The following ANGPTL2 variants were observed in gnomAD, a reference collection of about 807,000 sequenced individuals.
ANGPTL2 encodes angiopoietin-related protein 2.
A neutral mutation model predicts 52.8 loss-of-function variants in ANGPTL2; 25 were observed. The observed-to-expected ratio is 0.47, with a 90% confidence interval of 0.35 to 0.66. ANGPTL2 has a LOEUF of 0.66. ANGPTL2 is among the 30% of genes least tolerant of loss of function. ANGPTL2 has a pLI of 0.01. For missense variants in ANGPTL2, 546 were observed against 656.9 expected (o/e 0.83, Z 1.84); for synonymous variants, 276 against 277.4 (o/e 1.00, Z 0.05).
At position 127,108,241 on chromosome 9, in the gene ANGPTL2, T is replaced by C; in HGVS notation, c.491A>G (p.Asn164Ser). The C allele has an allele frequency of 6.2e-7, 1 of 1,614,034 alleles. No homozygotes were observed. The highest frequency in any genetic ancestry group is 1.3e-5 in the African/African-American group (1 of 74,978). The change falls in exon 2 of 5, where the codon AAC (asparagine) becomes AGC (serine). Residue 164 changes from asparagine (N) to serine (S), a missense_variant. Transcript: ENST00000373425. Reference protein sequence around the residue: ...ELSQLENRILNQTADMLQLAS... With the variant: ...ELSQLENRILSQTADMLQLAS... ...CAGCTGCAGCATGTCGGCTGTCTGG[T>C]TCAGGATCCTGTTCTCCAGCTGGGA...
chr9:127,112,032 GC>G (rs1193431820), intron 1 of ANGPTL2, among the ~76,000 whole-genome samples: 1 of 152,206 alleles, frequency 6.6e-6, no homozygotes, highest in East Asian at 1.9e-4. Flanking sequence ...CTGGGTCTGG[GC>G]TCCACCTTGG....
At chr9:127,098,852 T>C (rs1484832080) in intron 2 of ANGPTL2, among the ~76,000 whole-genome samples, 1 of 152,170 alleles carries the variant, frequency 6.6e-6, no homozygotes, top group East Asian at 1.9e-4. Context: ...TTTCCAGTTC[T>C]CTCTCTGTGG....
At chr9:127,119,056 C>T (rs915555310) in intron 1 of ANGPTL2, among the ~76,000 whole-genome samples, 3 of 152,110 alleles carry the variant, frequency 2.0e-5, no homozygotes, top group Non-Finnish European at 1.5e-5. Flanking sequence ...TGAGGCTCTG[C>T]CCCCACTGAG....
Position 127,108,375 on chromosome 9 carries a change from C to T in ANGPTL2, c.357G>A (p.Glu119=), listed in dbSNP as rs763353527. 9.9e-6 allele frequency: 16 copies of T among 1,610,502 alleles called. No individual in the cohort carries two copies. Among genetic ancestry groups the T allele is most frequent in the Non-Finnish European group, 1.4e-5 (16 of 1,178,350 alleles). ...LVEVDGGIVS[E]VKLLRKESRN... ...GGCTCTCCTTGCGCAGCAGCTTCACCTCGCTCACAATGCCGCCGTCCACCT... is the reference window on the plus strand; with the variant it reads ...GGCTCTCCTTGCGCAGCAGCTTCACTTCGCTCACAATGCCGCCGTCCACCT... Residue 119 remains glutamate (E), a synonymous_variant, in exon 2 of 5, where the codon GAG becomes GAA. Transcript: ENST00000373425.
chr9:127,111,311 C>G (rs939591404), intron 1 of ANGPTL2, among the ~76,000 whole-genome samples: 1 of 152,246 alleles, frequency 6.6e-6, no homozygotes, highest in Non-Finnish European at 1.5e-5. Flanking sequence ...CATTCCCCCT[C>G]CAGTGTCCTT....
chr9:127,102,717 G>T (rs146164745), intron 2 of ANGPTL2, among the ~76,000 whole-genome samples: 1 of 152,272 alleles, frequency 6.6e-6, no homozygotes, highest in African/African-American at 2.4e-5. Flanking sequence ...AAGCAATAAG[G>T]GAGCTGGCCC....
In ANGPTL2 at chr9:127,088,879, C is replaced by T. The variant is rs1446428648; in HGVS notation, c.*60G>A. 6.3e-7 allele frequency: 1 copy of T among 1,596,984 alleles called. No individual in the cohort carries two copies. Among genetic ancestry groups the T allele is most frequent in the Non-Finnish European group, 8.6e-7 (1 of 1,165,452 alleles). ...TGAGGAGTTGTTCTTTGTGCTGTGG[C>T]CAGCGTGACCAGGGTGGGCTCCTGG... On this transcript the variant is annotated 3_prime_UTR_variant, in exon 5 of 5. Coordinates refer to ENST00000373425, the MANE Select transcript of ANGPTL2 (RefSeq NM_012098.3).
intron 1 of ANGPTL2, among the ~76,000 whole-genome samples, chr9:127,113,169 G>A (rs1364289580): frequency 8.5e-5 from 13 of 152,148 alleles, no homozygotes; most frequent in Non-Finnish European, 1.6e-4. Context: ...CAGGTAATCC[G>A]GTGGGTTGTT....
At chr9:127,096,868 C>T (rs1028940996) in intron 2 of ANGPTL2, among the ~76,000 whole-genome samples, 22 of 152,302 alleles carry the variant, frequency 1.4e-4, no homozygotes, top group East Asian at 1.9e-4. Flanking sequence ...GTCCTAGCCA[C>T]GTATTTCCAC....
chr9:127,100,335 C>T (rs2053590530), intron 2 of ANGPTL2, among the ~76,000 whole-genome samples: 1 of 152,138 alleles, frequency 6.6e-6, no homozygotes, highest in African/African-American at 2.4e-5. Flanking sequence ...GCTCTTAGGG[C>T]CCAGAAAGGG....
rs532792412 is a variant in ANGPTL2, at chr9:127,122,178, C to G, written c.-50+137G>C. 6.6e-6 allele frequency: 1 copy of G among 152,356 alleles called. No homozygotes were observed. Among genetic ancestry groups the G allele is most frequent in the Non-Finnish European group, 1.5e-5 (1 of 68,090 alleles). 9.4% of individuals were successfully genotyped at this position (152,356 alleles called of 1,614,324 possible). ...CGGACATGCCTCGTTTGGCTCCAAG[C>G]GATAGCAGGGAGTGACCCTCTGAGA... On this transcript the variant is annotated intron_variant, in intron 1 of 4. Coordinates refer to ENST00000373425, the MANE Select transcript of ANGPTL2 (RefSeq NM_012098.3). This position sits in a 1 kb window ranked among gnomAD's most constrained non-coding sequence, Gnocchi z 6.4.
intron 2 of ANGPTL2, among the ~76,000 whole-genome samples, chr9:127,101,916 T>A (rs1349601508): frequency 2.0e-5 from 3 of 152,318 alleles, no homozygotes; most frequent in East Asian, 1.9e-4. Flanking sequence ...TATTTTTTTT[T>A]AAACAAAGGA....
At position 127,108,171 on chromosome 9, in the gene ANGPTL2, G is replaced by A; in HGVS notation, c.561C>T (p.Ala187=). ...KDLEHKYQHL[A]TLAHNQSEII... ...TCTCTGATTGGTTGTGGGCCAGTGT[G>A]GCCAGGTGCTGGTACTTGTGCTCCA... The change falls in exon 2 of 5, where the codon GCC becomes GCT. Residue 187 remains alanine (A), a synonymous_variant. Transcript: ENST00000373425. 1.2e-6 allele frequency: 2 copies of A among 1,614,130 alleles called. No homozygotes were observed. The highest frequency in any genetic ancestry group is 1.7e-6 in the Non-Finnish European group (2 of 1,180,036).
rs377330474 is a variant in ANGPTL2 at position 127,108,478 on chromosome 9, T to C, written c.254A>G (p.His85Arg). The C allele has an allele frequency of 1.9e-6, 3 of 1,612,520 alleles. No homozygotes were observed. Among genetic ancestry groups the C allele is most frequent in the African/African-American group, 1.3e-5 (1 of 74,412 alleles). The change falls in exon 2 of 5, where the codon CAT becomes CGT. Residue 85 changes from histidine (H) to arginine (R), a missense_variant. By Grantham distance (29) the His-to-Arg change is conservative (BLOSUM62 0). Coordinates refer to ENST00000373425, the MANE Select transcript of ANGPTL2 (RefSeq NM_012098.3). ...EPEVLLENRV[H>R]KQELELLNNE... Reference sequence around the variant, plus strand: ...GTTGAGCAGCTCTAGCTCCTGCTTATGCACTCGGTTCTCCAGAAGCACCTC... The same window carrying C: ...GTTGAGCAGCTCTAGCTCCTGCTTACGCACTCGGTTCTCCAGAAGCACCTC...
At chr9:127,120,277 C>T (rs2055909574) in intron 1 of ANGPTL2, among the ~76,000 whole-genome samples, 2 of 152,228 alleles carry the variant, frequency 1.3e-5, no homozygotes, top group African/African-American at 4.8e-5. Flanking sequence ...ATGTGGGAAG[C>T]AGGATGCCCT....
chr9:127,093,712 AC>A lies in ANGPTL2; in HGVS notation c.1011+20del. The A allele has an allele frequency of 6.2e-7, 1 of 1,612,866 alleles. No homozygotes were observed. The stretch of plus-strand genomic sequence containing the variant: ...GCCAGTCACCTTGTGGGCAGCACAG[AC>A]ATCCCCTGCCGAGTCTCACCTTGTA... On this transcript the variant is annotated intron_variant, in intron 3 of 4. Transcript: ENST00000373425.
chr9:127,111,075 G>A (rs1564600946), intron 1 of ANGPTL2, among the ~76,000 whole-genome samples: 3 of 151,986 alleles, frequency 2.0e-5, no homozygotes, highest in Non-Finnish European at 4.4e-5. Flanking sequence ...CTTCCTCCCT[G>A]GTCTCATCTC....
At chr9:127,121,456 A>G (rs2056075469) in intron 1 of ANGPTL2, among the ~76,000 whole-genome samples, 1 of 152,188 alleles carries the variant, frequency 6.6e-6, no homozygotes, top group South Asian at 2.1e-4. Context: ...GTGAAAGGAG[A>G]TGCTTTTCCA....
At chr9:127,102,420 AC>A (rs1249082683) in intron 2 of ANGPTL2, among the ~76,000 whole-genome samples, 1 of 152,166 alleles carries the variant, frequency 6.6e-6, no homozygotes, top group Non-Finnish European at 1.5e-5. Flanking sequence ...CATTTGTATG[AC>A]CAGTTAGCTG....
Sources: gnomAD v4.1 joint callset for allele counts (sites outside exome capture counted in the v4.1 genomes callset) on GRCh38, gnomAD v4.1.1 for gene constraint, Gnocchi (gnomAD v3.1) non-coding constraint, MANE v1.5 for transcripts, NCBI Gene and HGNC (gene_info 2026-07-23, HGNC 2026-07-21) for gene names.